The following GRK4 variants were observed in gnomAD, a reference collection of about 807,000 sequenced individuals.
GRK4 encodes G protein-coupled receptor kinase 4.
Under a neutral mutation model 77.9 loss-of-function variants are expected in GRK4, and 73 were observed. That is an observed-to-expected ratio of 0.94 (90% CI 0.78 to 1.14). GRK4 has a LOEUF of 1.14. Among genes scored for constraint, GRK4 ranks in the 50% most tolerant of loss-of-function variants. The pLI is 0.00. For synonymous variants in GRK4, 257 were observed against 254.4 expected, an observed-to-expected ratio of 1.01 and a Z score of -0.10; for missense variants, 729 against 700.2, an observed-to-expected ratio of 1.04 and a Z score of -0.46.
intron 5 of GRK4, among the ~76,000 whole-genome samples, 177 bp from the exon 6 acceptor site, chr4:3,007,559 T>C (rs1731669681): frequency 6.6e-6 from 1 of 152,258 alleles, no homozygotes; most frequent in Non-Finnish European, 1.5e-5. Context: ...ATTTCACTTC[T>C]GTTTTCACTT....
At chr4:3,037,181 C>T (rs1740968897) in intron 13 of GRK4, among the ~76,000 whole-genome samples, 193 bp from the exon 14 acceptor site, 1 of 151,814 alleles carries the variant, frequency 6.6e-6, no homozygotes, top group South Asian at 2.1e-4. Context: ...TAAAAGCTGG[C>T]GAACCACCTC....
At position 2,988,075 on chromosome 4, in the gene GRK4, C is replaced by CAAAAAAAAA. The variant is rs67664476; in HGVS notation, c.149-636_149-628dup. ...TGGATGACAGAGTGAGGCTCTGTCT[C>CAAAAAAAAA]AAAAAAAAAAAAAAAAAAAAAAAAG... On this transcript the variant is annotated intron_variant, in intron 2 of 15. Coordinates refer to ENST00000398052, the MANE Select transcript of GRK4 (RefSeq NM_182982.3). Among the ~76,000 whole-genome samples, 148 of 33,676 alleles carry CAAAAAAAAA rather than the reference C, an allele frequency of 4.4e-3. 8 individuals are homozygous for CAAAAAAAAA. Among genetic ancestry groups the CAAAAAAAAA allele is most frequent in the African/African-American group, 7.1e-3 (62 of 8,684 alleles). The allele number at this position is 33,676 out of a possible 152,430, so 22.1% of individuals were successfully genotyped here. A position where few individuals can be genotyped will look rare whatever the true frequency, so the allele number is the denominator to read the frequency against.
At chr4:3,037,670 A>G (rs2110097054) in intron 14 of GRK4, among the ~76,000 whole-genome samples, 159 bp downstream of exon 14, 1 of 152,208 alleles carries the variant, frequency 6.6e-6, no homozygotes, top group South Asian at 2.1e-4. Flanking sequence ...TAATCCCAGC[A>G]CTTTGGGAGG....
rs188287258 is a variant in GRK4 at position 3,014,791 on chromosome 4, C to T, written c.741+963C>T. ...CAGCCTGGGCAACAGAGCGAGACTCCGTTTCAAAAAAAAGAGAGAGAGATG... is the reference window on the plus strand; with the variant it reads ...CAGCCTGGGCAACAGAGCGAGACTCTGTTTCAAAAAAAAGAGAGAGAGATG... On this transcript the variant is annotated intron_variant, in intron 8 of 15. Transcript: ENST00000398052. Among the ~76,000 whole-genome samples, 86 of 151,726 alleles carry T rather than the reference C, an allele frequency of 5.7e-4. No individual in the cohort carries two copies. The South Asian group carries it at 6.7e-3, about 12-fold the overall frequency.
chr4:3,005,144 C>T (rs746675109), intron 5 of GRK4, among the ~76,000 whole-genome samples: 1 of 151,834 alleles, frequency 6.6e-6, no homozygotes, highest in Non-Finnish European at 1.5e-5. Flanking sequence ...TGGCTAAATT[C>T]AGTTTCTTTA....
intron 8 of GRK4, among the ~76,000 whole-genome samples, chr4:3,016,787 A>G (rs1482098284): frequency 6.6e-6 from 1 of 152,218 alleles, no homozygotes; most frequent in African/African-American, 2.4e-5. Context: ...GAAATCCACA[A>G]TCTAGCTTTA....
At chr4:2,987,716 G>A (rs1278206671) in intron 2 of GRK4, among the ~76,000 whole-genome samples, 2 of 152,108 alleles carry the variant, frequency 1.3e-5, no homozygotes, top group African/African-American at 2.4e-5. Flanking sequence ...TGAGGTGGGT[G>A]GATCACTTGA....
chr4:2,964,242 G>C (rs1716718035), intron 1 of GRK4, 120 bp downstream of exon 1: 1 of 841,618 alleles, frequency 1.2e-6, no homozygotes, highest in Non-Finnish European at 1.8e-6. Context: ...GGAGAGCCCC[G>C]ACACCTCCCA....
At position 2,978,449 on chromosome 4, in the gene GRK4, G is replaced by A. The variant is rs576579665; in HGVS notation, c.53-6064G>A. On this transcript the variant is annotated intron_variant, in intron 1 of 15. Transcript: ENST00000398052. ...ATAATTTGGGATGCACAGCCATGGC[G>A]AGCCACAGGTGCACCCGAAAAGGGG... Among the ~76,000 whole-genome samples, 6 of 152,298 alleles carry A rather than the reference G, an allele frequency of 3.9e-5. 1 individual carries two copies. The highest frequency in any genetic ancestry group is 1.2e-4 in the African/African-American group (5 of 41,572).
In GRK4 at chr4:2,963,802, C is replaced by T; in HGVS notation, c.-269C>T. 1.9e-6 allele frequency: 1 copy of T among 530,326 alleles called. No homozygotes were observed. Among genetic ancestry groups the T allele is most frequent in the Admixed American group, 3.8e-5 (1 of 26,126 alleles). 32.9% of individuals were successfully genotyped at this position (530,326 alleles called of 1,614,324 possible). A position where few individuals can be genotyped will look rare whatever the true frequency, so the allele number is the denominator to read the frequency against. On this transcript the variant is annotated 5_prime_UTR_variant, in exon 1 of 16. The change creates a premature stop within an existing upstream ORF in the 5' untranslated region. Coordinates refer to ENST00000398052, the MANE Select transcript of GRK4 (RefSeq NM_182982.3). ...AAGAAGAACCGGGGCGATAGCGCGGCAGCGGTGACAGCTGGGACCCGCCGC... is the reference window on the plus strand; with the variant it reads ...AAGAAGAACCGGGGCGATAGCGCGGTAGCGGTGACAGCTGGGACCCGCCGC...
chr4:3,028,025 C>T lies in GRK4; in HGVS notation c.1060+24C>T, dbSNP rs1377030431. On this transcript the variant is annotated intron_variant, in intron 11 of 15. Coordinates refer to ENST00000398052, the MANE Select transcript of GRK4 (RefSeq NM_182982.3). The stretch of plus-strand genomic sequence containing the variant: ...GGGTTCGTGAGAGGCTTTCGGCGTC[C>T]TTGTCCTTTCTATCCGGGTGCCTGA... 5 of 1,602,914 alleles carry T rather than the reference C, an allele frequency of 3.1e-6. No individual in the cohort carries two copies. In the African/African-American group the frequency reaches 4.0e-5, roughly 13 times the overall value.
chr4:3,025,490 T>C (rs1012913416), intron 10 of GRK4, among the ~76,000 whole-genome samples: 6 of 147,684 alleles, frequency 4.1e-5, no homozygotes, highest in South Asian at 2.2e-4. Context: ...CCCAGGTTCA[T>C]GCCATTCTCC....
intron 10 of GRK4, among the ~76,000 whole-genome samples, chr4:3,024,044 C>T (rs1736761704): frequency 6.6e-6 from 1 of 151,738 alleles, no homozygotes; most frequent in South Asian, 2.1e-4. Context: ...TAGAACTTTA[C>T]CCCACATGTT....
chr4:2,963,605 C>A lies in GRK4; in HGVS notation c.-466C>A. ...CGGCCGCGGCGGCGAGGGGCGCTCC[C>A]TCTTCAGCTAAGCCGTTAGCGCCGA... On this transcript the variant is annotated 5_prime_UTR_variant, in exon 1 of 16. Transcript: ENST00000398052. 2.3e-6 allele frequency: 1 copy of A among 435,646 alleles called. No homozygotes were observed. The highest frequency in any genetic ancestry group is 4.0e-5 in the East Asian group (1 of 25,102). The allele number at this position is 435,646 out of a possible 1,614,324, so 27.0% of individuals were successfully genotyped here.
At chr4:2,988,517 G>A (rs1725109928) in intron 2 of GRK4, among the ~76,000 whole-genome samples, 1 of 152,138 alleles carries the variant, frequency 6.6e-6, no homozygotes, top group Admixed American at 6.6e-5. Flanking sequence ...GCTGCAGTGA[G>A]CGGAGATTGT....
chr4:3,024,773 G>A (rs913459509), intron 10 of GRK4, among the ~76,000 whole-genome samples: 1 of 151,988 alleles, frequency 6.6e-6, no homozygotes. Flanking sequence ...CAGGAGAATC[G>A]CTTGAACCCG....
intron 1 of GRK4, among the ~76,000 whole-genome samples, chr4:2,964,378 A>T (rs1716796532): frequency 6.6e-6 from 1 of 151,966 alleles, no homozygotes; most frequent in African/African-American, 2.4e-5. Flanking sequence ...TGCTCTTCTT[A>T]GTCTTGCCCT....
intron 1 of GRK4, among the ~76,000 whole-genome samples, chr4:2,974,183 C>A (rs1048413419): frequency 1.2e-4 from 19 of 152,134 alleles, no homozygotes; most frequent in Non-Finnish European, 1.5e-5. Context: ...TTATTTTTTC[C>A]CATAGCACTT....
At chr4:3,009,757 G>T (rs1411659135) in intron 7 of GRK4, 46 bp downstream of exon 7, 3 of 1,435,920 alleles carry the variant, frequency 2.1e-6, no homozygotes, top group Non-Finnish European at 2.9e-6. Flanking sequence ...AGCTGGGTGG[G>T]GAGCAAGGTC....
Sources: gnomAD v4.1 joint callset for allele counts (sites outside exome capture counted in the v4.1 genomes callset) on GRCh38, gnomAD v4.1.1 for gene constraint, MANE v1.5 for transcripts, NCBI Gene and HGNC (gene_info 2026-07-23, HGNC 2026-07-21) for gene names.